Variants in PZP observed in about 807,000 individuals in gnomAD.
The protein encoded by PZP is pregnancy zone protein.
Under a neutral mutation model 179.8 loss-of-function variants are expected in PZP, and 150 were observed. The ratio of observed to expected loss-of-function variants is 0.83; its 90% CI spans 0.73 to 0.96. The LOEUF is 0.96. Among genes scored for constraint, PZP ranks in the 40% least tolerant of loss-of-function variants. PZP has a pLI of 0.00. For synonymous variants in PZP, 624 were observed against 652.3 expected (o/e 0.96, Z 0.66); for missense variants, 1,689 against 1,764.0 (o/e 0.96, Z 0.76).
intron 28 of PZP, chr12:9,156,442 G>A (rs1304318619): frequency 6.5e-6 from 1 of 154,746 alleles, no homozygotes; most frequent in African/African-American, 2.4e-5. Flanking sequence ...TATGATGGTA[G>A]CTGAAAGGAG....
chr12:9,143,104 G>A, the PZP span, among the ~76,000 whole-genome samples: 1 of 152,168 alleles, frequency 6.6e-6, no homozygotes, highest in African/African-American at 2.4e-5. Flanking sequence ...TTTTTCATCA[G>A]GGGTGAGGGT....
At chr12:9,187,476 C>A (rs1198049301) in intron 13 of PZP, among the ~76,000 whole-genome samples, 1 of 152,172 alleles carries the variant, frequency 6.6e-6, no homozygotes, top group African/African-American at 2.4e-5. Flanking sequence ...ATCATACACT[C>A]CACACTCTCG....
intron 2 of PZP, 140 bp from the exon 3 acceptor site, chr12:9,202,824 TGAC>T: frequency 1.3e-6 from 1 of 797,638 alleles, no homozygotes; most frequent in South Asian, 1.9e-5. Context: ...GACATAAGAG[TGAC>T]GATATTAATG....
chr12:9,165,109 A>T, intron 19 of PZP, 30 bp downstream of exon 19: 5 of 1,601,264 alleles, frequency 3.1e-6, no homozygotes, highest in Non-Finnish European at 3.4e-6. Flanking sequence ...TGTTCTACCC[A>T]CCTTTCCTGT....
chr12:9,154,790 C>T lies in PZP; in HGVS notation c.3600G>A (p.Gly1200=). Reference sequence around the variant, plus strand: ...AGGGAGCCTGGGTTTGGTAAAGATGCCCCACTGGTGCCTTGGGTCTCTGAG... The same window carrying T: ...AGGGAGCCTGGGTTTGGTAAAGATGTCCCACTGGTGCCTTGGGTCTCTGAG... ...ERPQRPKAPV[G]HLYQTQAPSA... Residue 1200 remains glycine, a synonymous_variant, in exon 29 of 36, where the codon GGG becomes GGA. Coordinates refer to ENST00000261336, the MANE Select transcript of PZP (RefSeq NM_002864.3). 1 of 1,613,928 alleles carries T rather than the reference C, an allele frequency of 6.2e-7. No individual in the cohort carries two copies. The highest frequency in any genetic ancestry group is 8.5e-7 in the Non-Finnish European group (1 of 1,179,864).
chr12:9,197,480 TATA>T lies in PZP; in HGVS notation c.756-360_756-358del, dbSNP rs761953904. On this transcript the variant is annotated intron_variant, in intron 7 of 35. Coordinates refer to ENST00000261336, the MANE Select transcript of PZP (RefSeq NM_002864.3). Reference sequence around the variant, plus strand: ...TATATAATAATATAATATATAATAATATAATATATTATATATAAATATATTATG... The same window carrying T: ...TATATAATAATATAATATATAATAATATATATTATATATAAATATATTATG... 3.6e-3 allele frequency among the ~76,000 whole-genome samples: 466 copies of T among 129,772 alleles called. 4 individuals are homozygous for T. Among genetic ancestry groups the T allele is most frequent in the African/African-American group, 0.013 (440 of 32,880 alleles). 85.1% of individuals were successfully genotyped at this position (129,772 alleles called of 152,430 possible). A position where few individuals can be genotyped will look rare whatever the true frequency, so the allele number is the denominator to read the frequency against.
chr12:9,207,270 C>T (rs1944481697), intron 1 of PZP, among the ~76,000 whole-genome samples: 1 of 152,144 alleles, frequency 6.6e-6, no homozygotes, highest in African/African-American at 2.4e-5. Flanking sequence ...TCTAGAAGTG[C>T]AGTGTGGGTA....
rs752734360 is a variant in PZP at position 9,168,497 on chromosome 12, T to C, written c.2107+372A>G. 38 of 178,350 alleles carry C rather than the reference T, an allele frequency of 2.1e-4. 1 individual carries two copies. The highest frequency in any genetic ancestry group is 8.8e-4 in the African/African-American group (37 of 42,206). The allele number at this position is 178,350 out of a possible 1,614,324, so 11.0% of individuals were successfully genotyped here. On this transcript the variant is annotated intron_variant, in intron 17 of 35. Transcript: ENST00000261336. Reference sequence around the variant, plus strand: ...ATTTCTGTGATGTTCACGTTGTTTCTTGTCACCAGTGAAGCCCTTTGTCCT... The same window carrying C: ...ATTTCTGTGATGTTCACGTTGTTTCCTGTCACCAGTGAAGCCCTTTGTCCT...
At chr12:9,204,090 G>T in intron 1 of PZP, 139 bp from the exon 2 acceptor site, 2 of 887,624 alleles carry the variant, frequency 2.3e-6, no homozygotes, top group Middle Eastern at 3.5e-4. Flanking sequence ...GTCAATGGAG[G>T]TTCTGTCACA....
At chr12:9,161,171 T>C in intron 22 of PZP, 55 bp from the exon 23 acceptor site, 1 of 1,377,382 alleles carries the variant, frequency 7.3e-7, no homozygotes, top group Non-Finnish European at 1.0e-6. Flanking sequence ...ACAATATAAT[T>C]TAGTGATTAT....
Position 9,200,993 on chromosome 12 carries a change from G to T in PZP, c.569C>A (p.Ser190Tyr). ...LKLEAGINQL[S>Y]FPLSSEPIQG... ...AATGGGCTCTGATGAGAGGGGAAAGGACAACTGATTGATGCCAGCTTCTAG... is the reference window on the plus strand; with the variant it reads ...AATGGGCTCTGATGAGAGGGGAAAGTACAACTGATTGATGCCAGCTTCTAG... Residue 190 changes from serine to tyrosine, a missense_variant, in exon 6 of 36, where the codon TCC (serine) becomes TAC (tyrosine). Ser to Tyr is a moderately radical substitution (Grantham distance 144, BLOSUM62 -2). This residue lies in a region of PZP where 742 missense variants were observed against 730.5 expected (regional missense o/e 1.02). Coordinates refer to ENST00000261336, the MANE Select transcript of PZP (RefSeq NM_002864.3). The T allele has an allele frequency of 6.2e-7, 1 of 1,614,130 alleles. No individual in the cohort carries two copies. The highest frequency in any genetic ancestry group is 8.5e-7 in the Non-Finnish European group (1 of 1,179,988).
At position 9,166,087 on chromosome 12, in the gene PZP, A is replaced by G. The variant is rs1941565074; in HGVS notation, c.2223T>C (p.Phe741=). ...GPVPETVRSY[F]PETWIWELVA... ...CCAACTCCCAGATCCAAGTCTCAGG[A>G]AAATAGCTTCGCACCGTTTCAGGGA... Residue 741 remains phenylalanine, a synonymous_variant, in exon 18 of 36, where the codon TTT becomes TTC. Transcript: ENST00000261336. The G allele has an allele frequency of 6.2e-7, 1 of 1,611,148 alleles. No homozygotes were observed.
intron 25 of PZP, among the ~76,000 whole-genome samples, 170 bp from the exon 26 acceptor site, chr12:9,158,746 T>C (rs1216486886): frequency 8.9e-6 from 1 of 112,024 alleles, no homozygotes; most frequent in Non-Finnish European, 1.7e-5. Context: ...TTTTCTTTTT[T>C]CTTTTCTTTT....
rs956375447 is a variant in PZP at position 9,192,546 on chromosome 12, A to G, written c.1448T>C (p.Met483Thr). The G allele has an allele frequency of 3.1e-6, 5 of 1,614,140 alleles. No homozygotes were observed. The highest frequency in any genetic ancestry group is 1.3e-5 in the African/African-American group (1 of 75,042). Residue 483 changes from methionine (M) to threonine (T), a missense_variant, in exon 12 of 36, where the codon ATG (methionine) becomes ACG (threonine). By Grantham distance (81) the Met-to-Thr change is moderately conservative (BLOSUM62 -1). Coordinates refer to ENST00000261336, the MANE Select transcript of PZP (RefSeq NM_002864.3). Reference sequence around the variant, plus strand: ...GAAACTGAGCTCCGATAACTCTCCCATGGCCTGTCTATTCAGTGTATAGTG... The same window carrying G: ...GAAACTGAGCTCCGATAACTCTCCCGTGGCCTGTCTATTCAGTGTATAGTG... ...TAHYTLNRQAMGELSELSFHY... is the reference protein window; with the variant it reads ...TAHYTLNRQATGELSELSFHY...
In PZP at chr12:9,197,502, T is replaced by C. The variant is rs1242411442; in HGVS notation, c.756-379A>G. ...TAATATAATATATTATATATAAATA[T>C]ATTATGTATAATGTTGAAAATAATT... On this transcript the variant is annotated intron_variant, in intron 7 of 35. Transcript: ENST00000261336. Among the ~76,000 whole-genome samples, 3 of 128,356 alleles carry C rather than the reference T, an allele frequency of 2.3e-5. No homozygotes were observed. The East Asian group carries it at 6.3e-4, about 27-fold the overall frequency. 84.2% of individuals were successfully genotyped at this position (128,356 alleles called of 152,430 possible). A position where few individuals can be genotyped will look rare whatever the true frequency, so the allele number is the denominator to read the frequency against.
chr12:9,194,762 C>T (rs747869753), intron 10 of PZP, among the ~76,000 whole-genome samples: 4 of 152,148 alleles, frequency 2.6e-5, no homozygotes, highest in African/African-American at 9.6e-5. Context: ...CCGTGCCCGG[C>T]CAAAGTCAGG....
At chr12:9,160,784 G>C (rs989335846) in intron 23 of PZP, among the ~76,000 whole-genome samples, 2 of 151,984 alleles carry the variant, frequency 1.3e-5, no homozygotes, top group Non-Finnish European at 2.9e-5. Context: ...GCGTGGTGGC[G>C]GGCGCCTGTA....
intron 24 of PZP, 134 bp from the exon 25 acceptor site, chr12:9,160,159 T>C (rs1376865398): frequency 8.9e-7 from 1 of 1,128,284 alleles, no homozygotes; most frequent in Non-Finnish European, 1.3e-6. Flanking sequence ...GTGAATGTTA[T>C]GGATAGATCA....
At chr12:9,159,395 G>C (rs1229996815) in intron 25 of PZP, among the ~76,000 whole-genome samples, 3 of 152,106 alleles carry the variant, frequency 2.0e-5, no homozygotes, top group Non-Finnish European at 4.4e-5. Flanking sequence ...GTAGCTATAA[G>C]AATTAAATAA....
Sources: gnomAD v4.1 joint callset for allele counts (sites outside exome capture counted in the v4.1 genomes callset) on GRCh38, gnomAD v4.1.1 for gene constraint, gnomAD v4.1.1 regional missense constraint, MANE v1.5 for transcripts, NCBI Gene and HGNC (gene_info 2026-07-23, HGNC 2026-07-21) for gene names.